Variants in GRIA3 observed in about 807,000 individuals in gnomAD.
GRIA3 encodes glutamate receptor 3.
Under a neutral mutation model 63.0 loss-of-function variants are expected in GRIA3, and 3 were observed. That is an observed-to-expected ratio of 0.05 (90% CI 0.02 to 0.12). GRIA3 has a LOEUF of 0.12. Ranked by LOEUF, GRIA3 falls within the 10% of genes least tolerant of loss-of-function variation. GRIA3 has a pLI of 1.00. For synonymous variants in GRIA3, 274 were observed against 257.9 expected (o/e 1.06, Z -0.60); for missense variants, 347 against 700.9 (o/e 0.50, Z 5.70).
chrX:123,199,688 GT>G, intron 2 of GRIA3, among the ~76,000 whole-genome samples: 1 of 111,637 alleles, frequency 9.0e-6, no homozygotes, highest in Middle Eastern at 4.6e-3. Context: ...TGACAACACT[GT>G]CAGTTTTAAG....
intron 2 of GRIA3, among the ~76,000 whole-genome samples, chrX:123,207,884 T>C (rs1234848310): frequency 9.0e-6 from 1 of 111,481 alleles, no homozygotes; most frequent in East Asian, 2.8e-4. Context: ...CAGCCAAGTA[T>C]ATAGGGACTC....
intron 5 of GRIA3, among the ~76,000 whole-genome samples, chrX:123,371,814 C>A (rs1350635522): frequency 9.0e-6 from 1 of 111,148 alleles, no homozygotes; most frequent in Non-Finnish European, 1.9e-5. Context: ...TTTTTTCTCC[C>A]ATTCTGTGGG....
rs765561308 is a variant in GRIA3 at position 123,373,181 on chromosome X, C to T, written c.750+18218C>T. ...GTTTCCAGCTTCATCCATGTCCCTACAAAGGACATGAACTCATCATTTTTT... is the reference window on the plus strand; with the variant it reads ...GTTTCCAGCTTCATCCATGTCCCTATAAAGGACATGAACTCATCATTTTTT... On this transcript the variant is annotated intron_variant, in intron 5 of 15. Transcript: ENST00000620443. Among the ~76,000 whole-genome samples, 205 of 110,907 alleles carry T rather than the reference C, an allele frequency of 1.8e-3. 3 individuals are homozygous for T. Among genetic ancestry groups the T allele is most frequent in the African/African-American group, 6.3e-3 (193 of 30,512 alleles).
chrX:123,299,134 T>C (rs920989958), intron 3 of GRIA3, among the ~76,000 whole-genome samples: 1 of 111,784 alleles, frequency 8.9e-6, no homozygotes, highest in African/African-American at 3.2e-5. Flanking sequence ...ACTTTAGCCT[T>C]GTACTATAGT....
intron 5 of GRIA3, among the ~76,000 whole-genome samples, chrX:123,384,091 T>A (rs1355047927): frequency 8.9e-6 from 1 of 112,297 alleles, no homozygotes; most frequent in African/African-American, 3.2e-5. Flanking sequence ...ACATTTTTTT[T>A]ATCCAGTCTA....
chrX:123,310,061 G>A (rs976313630), intron 3 of GRIA3, among the ~76,000 whole-genome samples: 7 of 112,723 alleles, frequency 6.2e-5, no homozygotes, highest in African/African-American at 2.3e-4. Context: ...TTGCCTGAAT[G>A]AGCATAGAAG....
intron 2 of GRIA3, among the ~76,000 whole-genome samples, chrX:123,219,658 C>T (rs2097908245): frequency 8.9e-6 from 1 of 111,903 alleles, no homozygotes; most frequent in Non-Finnish European, 1.9e-5. Flanking sequence ...CCAGACTGTA[C>T]TCTGAGATCC....
intron 2 of GRIA3, among the ~76,000 whole-genome samples, chrX:123,232,086 C>A (rs5911556): frequency 0.017 from 1,940 of 111,508 alleles, 24 homozygotes; most frequent in Non-Finnish European, 0.027. Flanking sequence ...TTAAATGATG[C>A]TTACTGAAAA....
chrX:123,348,160 T>C (rs933439423), intron 4 of GRIA3, among the ~76,000 whole-genome samples: 1 of 112,165 alleles, frequency 8.9e-6, no homozygotes, highest in Non-Finnish European at 1.9e-5. Flanking sequence ...ATTATATTGC[T>C]TTGGGCCCAA....
chrX:123,414,854 C>T (rs1282009154), intron 10 of GRIA3, among the ~76,000 whole-genome samples: 1 of 111,375 alleles, frequency 9.0e-6, no homozygotes, highest in African/African-American at 3.3e-5. Context: ...CAAGTCTTTG[C>T]TATTGTGAAT....
intron 5 of GRIA3, among the ~76,000 whole-genome samples, chrX:123,390,816 G>T (rs911669558): frequency 9.0e-6 from 1 of 111,090 alleles, no homozygotes; most frequent in Non-Finnish European, 1.9e-5. Context: ...CATAGACTTT[G>T]TTTATTCTTT....
intron 2 of GRIA3, among the ~76,000 whole-genome samples, chrX:123,203,780 G>A (rs760788003): frequency 1.1e-4 from 12 of 112,184 alleles, no homozygotes; most frequent in Non-Finnish European, 3.8e-5. Context: ...ATTAGAGACA[G>A]CATTGTATGG....
intron 12 of GRIA3, among the ~76,000 whole-genome samples, chrX:123,452,344 A>G (rs2045737155): frequency 9.2e-6 from 1 of 108,471 alleles, no homozygotes. Flanking sequence ...ACCTTTTAGG[A>G]AACTAACACT....
chrX:123,402,470 T>C (rs2045448686), intron 7 of GRIA3, among the ~76,000 whole-genome samples: 1 of 110,278 alleles, frequency 9.1e-6, no homozygotes, highest in Admixed American at 9.8e-5. Context: ...GGATTTTCAA[T>C]CTTACAGATT....
In GRIA3 at chrX:123,297,744, TC is replaced by T. The variant is rs1197319479; in HGVS notation, c.509-28281del. ...ATTTTTTTTAACTTTTATTTTATGT[TC>T]GGGGGTACATGTGCAGGTTTGTTAC... On this transcript the variant is annotated intron_variant, in intron 3 of 15. Coordinates refer to ENST00000620443, the MANE Select transcript of GRIA3 (RefSeq NM_007325.5). Among the ~76,000 whole-genome samples the T allele has an allele frequency of 9.9e-5, 11 of 111,032 alleles. No individual in the cohort carries two copies. The East Asian group carries it at 2.8e-3, about 29-fold the overall frequency.
At chrX:123,271,904 A>G (rs1466737643) in intron 3 of GRIA3, among the ~76,000 whole-genome samples, 1 of 111,814 alleles carries the variant, frequency 8.9e-6, no homozygotes, top group African/African-American at 3.2e-5. Flanking sequence ...CAACTCTCCT[A>G]TTAGCAAAGA....
chrX:123,194,841 CAT>C, intron 2 of GRIA3, among the ~76,000 whole-genome samples: 1 of 112,413 alleles, frequency 8.9e-6, no homozygotes, highest in East Asian at 2.8e-4. Context: ...GGCACTTTCA[CAT>C]ATGTTACTTC....
chrX:123,487,219 A>T (rs1251129895), intron 15 of GRIA3, among the ~76,000 whole-genome samples: 3 of 112,945 alleles, frequency 2.7e-5, no homozygotes, highest in African/African-American at 9.6e-5. Context: ...GACTGTGCTA[A>T]TTGTTTTAGG....
chrX:123,316,989 G>T (rs2044835650), intron 3 of GRIA3, among the ~76,000 whole-genome samples: 1 of 111,813 alleles, frequency 8.9e-6, no homozygotes, highest in African/African-American at 3.3e-5. Context: ...AACAAAAAAA[G>T]GTTTAATTGG....
Sources: gnomAD v4.1 joint callset for allele counts (sites outside exome capture counted in the v4.1 genomes callset) on GRCh38, gnomAD v4.1.1 for gene constraint, MANE v1.5 for transcripts, NCBI Gene and HGNC (gene_info 2026-07-23, HGNC 2026-07-21) for gene names.